The following WNT4 variants were observed in gnomAD, a reference collection of about 807,000 sequenced individuals.
WNT4 encodes the protein protein Wnt-4.
A neutral mutation model predicts 34.5 loss-of-function variants in WNT4; 16 were observed. The ratio of observed to expected loss-of-function variants is 0.46; its 90% CI spans 0.31 to 0.70. WNT4 has a LOEUF of 0.70. Ranked by LOEUF, WNT4 falls within the 30% of genes least tolerant of loss-of-function variation. The pLI, the probability that WNT4 is intolerant of heterozygous loss-of-function variation, is 0.04. For missense variants in WNT4, 379 were observed against 495.9 expected (o/e 0.76, Z 2.24); for synonymous variants, 200 against 211.9 (o/e 0.94, Z 0.49).
At chr1:22,132,148 G>T (rs932104579) in intron 1 of WNT4, among the ~76,000 whole-genome samples, 2 of 152,222 alleles carry the variant, frequency 1.3e-5, no homozygotes, top group Non-Finnish European at 2.9e-5. Flanking sequence ...CCTCGGTGGG[G>T]GGACAAGGAA....
At chr1:22,120,755 A>G (rs1645891213) in intron 4 of WNT4, among the ~76,000 whole-genome samples, 1 of 152,190 alleles carries the variant, frequency 6.6e-6, no homozygotes, top group African/African-American at 2.4e-5. Flanking sequence ...AGAAGCACTA[A>G]GGGTGGTGTC....
chr1:22,132,034 G>A (rs1645987670), intron 1 of WNT4, among the ~76,000 whole-genome samples: 2 of 152,304 alleles, frequency 1.3e-5, no homozygotes, highest in South Asian at 4.1e-4. Flanking sequence ...CCAGCCAAGG[G>A]GTCGCCTGTG....
chr1:22,128,961 CCG>C (rs1645961259), intron 2 of WNT4, among the ~76,000 whole-genome samples: 2 of 151,962 alleles, frequency 1.3e-5, no homozygotes, highest in South Asian at 4.2e-4. Context: ...ACCTCATGAT[CCG>C]CCCGCCTGGG....
chr1:22,138,346 TG>T (rs2124133894), intron 1 of WNT4, among the ~76,000 whole-genome samples: 1 of 151,838 alleles, frequency 6.6e-6, no homozygotes, highest in African/African-American at 2.4e-5. Flanking sequence ...GTGGTTCAAA[TG>T]GGTAATGGTT....
Position 22,120,289 on chromosome 1 carries a change from A to G in WNT4, c.817T>C (p.Leu273=), listed in dbSNP as rs145169034. The change falls in exon 5 of 5, where the codon TTG becomes CTG. Residue 273 remains leucine, a synonymous_variant. Transcript: ENST00000290167. The part of the protein sequence containing the change: ...KPHTDEDLVY[L]EPSPDFCEQD... ...TCACAGAAGTCGGGGCTAGGCTCCA[A>G]GTACACCAGGTCCTCATCTGTGTGC... 3.7e-5 allele frequency: 59 copies of G among 1,614,214 alleles called. No homozygotes were observed. In the African/African-American group the frequency reaches 6.9e-4, roughly 19 times the overall value.
intron 4 of WNT4, among the ~76,000 whole-genome samples, 177 bp downstream of exon 4, chr1:22,121,034 G>T (rs1161274347): frequency 6.6e-6 from 1 of 152,134 alleles, no homozygotes; most frequent in African/African-American, 2.4e-5. Flanking sequence ...TGTAACGCCT[G>T]CCTGCCTGTC....
At position 22,129,488 on chromosome 1, in the gene WNT4, G is replaced by A. The variant is rs988243742; in HGVS notation, c.313+128C>T. ...TCTGCATCCTTTATGCCCTCACTTG[G>A]GTCCTGTGCTGGTTTTGCTTCAGAA... On this transcript the variant is annotated intron_variant, in intron 2 of 4. Transcript: ENST00000290167. 27 of 1,141,950 alleles carry A rather than the reference G, an allele frequency of 2.4e-5. No homozygotes were observed. The Admixed American group carries it at 5.4e-4, about 23-fold the overall frequency. The allele number at this position is 1,141,950 out of a possible 1,614,324, so 70.7% of individuals were successfully genotyped here.
In WNT4 at chr1:22,119,841, G is replaced by T; in HGVS notation, c.*209C>A. The T allele has an allele frequency of 1.6e-6, 1 of 636,748 alleles. No individual in the cohort carries two copies. Among genetic ancestry groups the T allele is most frequent in the Non-Finnish European group, 2.7e-6 (1 of 370,608 alleles). 39.4% of individuals were successfully genotyped at this position (636,748 alleles called of 1,614,324 possible). ...AGCAAGGTCCCTTTGGTCAGTGGCA[G>T]CCACAAAGGCCCAGGCTTTGGGGAG... On this transcript the variant is annotated 3_prime_UTR_variant, in exon 5 of 5. Coordinates refer to ENST00000290167, the MANE Select transcript of WNT4 (RefSeq NM_030761.5).
In WNT4 at chr1:22,142,019, G is replaced by A. The variant is rs1424232059; in HGVS notation, c.77+827C>T. On this transcript the variant is annotated intron_variant, in intron 1 of 4. Transcript: ENST00000290167. This position sits in a 1 kb window ranked among gnomAD's most constrained non-coding sequence, Gnocchi z 6.0. ...CCTGAGCGGGGATGAAAGGAGCGCG[G>A]GTCCGCTTGCTCCCTGTCCACCCAC... Among the ~76,000 whole-genome samples the A allele has an allele frequency of 6.6e-6, 1 of 152,154 alleles. No individual in the cohort carries two copies. The highest frequency in any genetic ancestry group is 1.5e-5 in the Non-Finnish European group (1 of 68,042).
In WNT4 at chr1:22,140,894, C is replaced by A. The variant is rs569348489; in HGVS notation, c.77+1952G>T. On this transcript the variant is annotated intron_variant, in intron 1 of 4. Coordinates refer to ENST00000290167, the MANE Select transcript of WNT4 (RefSeq NM_030761.5). This position sits in a 1 kb window ranked among gnomAD's most constrained non-coding sequence, Gnocchi z 5.9. ...TCCTAGGCTGCCCCTCCTCACCCCACCCCCAACAGCACAGGCAGGAGAACT... is the reference window on the plus strand; with the variant it reads ...TCCTAGGCTGCCCCTCCTCACCCCAACCCCAACAGCACAGGCAGGAGAACT... Among the ~76,000 whole-genome samples, 5 of 152,346 alleles carry A rather than the reference C, an allele frequency of 3.3e-5. No homozygotes were observed. The East Asian group carries it at 9.6e-4, about 29-fold the overall frequency.
chr1:22,121,177 A>G, intron 4 of WNT4, 34 bp downstream of exon 4: 1 of 1,611,040 alleles, frequency 6.2e-7, no homozygotes, highest in Non-Finnish European at 8.5e-7. Flanking sequence ...TGCTATCCCT[A>G]CCCCGCTCTT....
In WNT4 at chr1:22,137,939, T is replaced by C. The variant is rs186080559; in HGVS notation, c.77+4907A>G. Among the ~76,000 whole-genome samples the C allele has an allele frequency of 1.8e-4, 28 of 152,270 alleles. No homozygotes were observed. The highest frequency in any genetic ancestry group is 6.5e-4 in the African/African-American group (27 of 41,550). ...GCAGGCCTTTGAAGATGGGCTACCA[T>C]TGGACAACAGCTGAGAACCCTCTAA... On this transcript the variant is annotated intron_variant, in intron 1 of 4. Transcript: ENST00000290167. This position sits in a 1 kb window ranked among gnomAD's most constrained non-coding sequence, Gnocchi z 5.3.
chr1:22,125,594 A>G (rs1322848482), intron 2 of WNT4, among the ~76,000 whole-genome samples: 1 of 152,108 alleles, frequency 6.6e-6, no homozygotes, highest in Non-Finnish European at 1.5e-5. Context: ...TCACTTTGCT[A>G]TGGCCAGGGC....
In WNT4 at chr1:22,143,040, C is replaced by T. The variant is rs1458945279; in HGVS notation, c.-118G>A. On this transcript the variant is annotated 5_prime_UTR_variant, in exon 1 of 5. Transcript: ENST00000290167. ...GGCGCGCGCGGCGGGGCTCTGCCTCCGTGTGCCTGCCGGCAGCCTGCCCGC... is the reference window on the plus strand; with the variant it reads ...GGCGCGCGCGGCGGGGCTCTGCCTCTGTGTGCCTGCCGGCAGCCTGCCCGC... The T allele has an allele frequency of 6.2e-6, 2 of 324,808 alleles. No homozygotes were observed. Among genetic ancestry groups the T allele is most frequent in the African/African-American group, 2.3e-5 (1 of 43,776 alleles). 20.1% of individuals were successfully genotyped at this position (324,808 alleles called of 1,614,324 possible).
rs12131703 is a variant in WNT4 at position 22,121,724 on chromosome 1, C to T, written c.314-148G>A. ...CAGAAATCATGTGCTAGGCACCCCA[C>T]GGCGCTTGTTCTTATCACACCAATA... On this transcript the variant is annotated intron_variant, in intron 2 of 4. Coordinates refer to ENST00000290167, the MANE Select transcript of WNT4 (RefSeq NM_030761.5). 177,547 of 1,290,660 alleles carry T rather than the reference C, an allele frequency of 0.14. 14,476 individuals are homozygous for T. The highest frequency in any genetic ancestry group is 0.31 in the African/African-American group (21,128 of 67,614). The allele number at this position is 1,290,660 out of a possible 1,614,324, so 80.0% of individuals were successfully genotyped here.
chr1:22,121,683 G>GA (rs1477611201), intron 2 of WNT4, 107 bp from the exon 3 acceptor site: 15 of 1,519,188 alleles, frequency 9.9e-6, no homozygotes, highest in African/African-American at 1.4e-5. Context: ...TGGAGGCCAG[G>GA]AGGGAGCAAG....
chr1:22,120,663 G>A (rs1404505220), intron 4 of WNT4, 146 bp from the exon 5 acceptor site: 9 of 765,754 alleles, frequency 1.2e-5, no homozygotes, highest in South Asian at 3.5e-5. Context: ...TAGGAATTAC[G>A]CGGTACTGGG....
At chr1:22,136,519 C>T (rs983332028) in intron 1 of WNT4, among the ~76,000 whole-genome samples, 1 of 152,174 alleles carries the variant, frequency 6.6e-6, no homozygotes, top group Non-Finnish European at 1.5e-5. Flanking sequence ...GGGATACCTT[C>T]CAAAGGCCCA....
chr1:22,120,713 C>T (rs916825518), intron 4 of WNT4, among the ~76,000 whole-genome samples, 196 bp from the exon 5 acceptor site: 4 of 152,156 alleles, frequency 2.6e-5, no homozygotes, highest in African/African-American at 9.7e-5. Flanking sequence ...AGGTACTGTC[C>T]CTGCACTTGG....
Sources: allele counts gnomAD v4.1 joint callset (sites outside exome capture counted in the v4.1 genomes callset), GRCh38; gene constraint gnomAD v4.1.1; non-coding constraint Gnocchi (gnomAD v3.1); transcripts MANE v1.5; gene names NCBI Gene and HGNC (gene_info 2026-07-23, HGNC 2026-07-21).